HYOU1: variants seen among roughly 807,000 people sequenced by gnomAD.
HYOU1 encodes hypoxia up-regulated protein 1.
Under a neutral mutation model 120.5 loss-of-function variants are expected in HYOU1, and 40 were observed. The observed-to-expected ratio is 0.33, with a 90% CI of 0.26 to 0.43. The LOEUF is 0.43. HYOU1 is among the 20% of genes least tolerant of loss of function. The pLI is 1.00. For missense variants in HYOU1, 1,085 were observed against 1,278.3 expected (o/e 0.85, Z 2.31); for synonymous variants, 501 against 479.4 (o/e 1.05, Z -0.59).
chr11:119,054,834 G>T, intron 6 of HYOU1, 150 bp downstream of exon 6: 1 of 1,012,300 alleles, frequency 9.9e-7, no homozygotes, highest in Non-Finnish European at 1.4e-6. Flanking sequence ...CTACCCACTA[G>T]ATAGCAGGTG....
At chr11:119,053,821 G>T in intron 8 of HYOU1, 1 of 265,056 alleles carries the variant, frequency 3.8e-6, no homozygotes, top group Non-Finnish European at 7.1e-6. Flanking sequence ...TTATTTAACT[G>T]GAAATGACAA....
chr11:119,056,080 C>T lies in HYOU1; in HGVS notation c.81G>A (p.Leu27=). 6.2e-7 allele frequency: 1 copy of T among 1,613,996 alleles called. No individual in the cohort carries two copies. The highest frequency in any genetic ancestry group is 2.2e-5 in the East Asian group (1 of 44,888). Residue 27 remains leucine (L), a synonymous_variant, in exon 2 of 26, where the codon TTG becomes TTA. Coordinates refer to ENST00000617285, the MANE Select transcript of HYOU1 (RefSeq NM_006389.5). ...TACTGGGGTACATACCACTCAGTGC[C>T]AACAGGTCTGCCAAGAGCACAGCCA... ...ALVAVLLADL[L]ALSDTLAVMS...
At position 119,049,765 on chromosome 11, in the gene HYOU1, T is replaced by C. The variant is rs2133575487; in HGVS notation, c.1726+12A>G. On this transcript the variant is annotated intron_variant, in intron 15 of 25. Coordinates refer to ENST00000617285, the MANE Select transcript of HYOU1 (RefSeq NM_006389.5). Reference sequence around the variant, plus strand: ...ATATTCTCTCCCATACACACATGCATGCTCATCTTACTGGTGAGAGTAGAT... The same window carrying C: ...ATATTCTCTCCCATACACACATGCACGCTCATCTTACTGGTGAGAGTAGAT... 82 of 1,613,260 alleles carry C rather than the reference T, an allele frequency of 5.1e-5. No individual in the cohort carries two copies. The highest frequency in any genetic ancestry group is 6.6e-5 in the Non-Finnish European group (78 of 1,179,286).
At position 119,055,857 on chromosome 11, in the gene HYOU1, A is replaced by G; in HGVS notation, c.92-14T>C. The G allele has an allele frequency of 6.2e-7, 1 of 1,609,042 alleles. No individual in the cohort carries two copies. Among genetic ancestry groups the G allele is most frequent in the Non-Finnish European group, 8.5e-7 (1 of 1,175,336 alleles). On this transcript the variant is annotated splice_polypyrimidine_tract_variant and intron_variant, in intron 2 of 25. Coordinates refer to ENST00000617285, the MANE Select transcript of HYOU1 (RefSeq NM_006389.5). This position sits in a 1 kb window ranked among gnomAD's most constrained non-coding sequence, Gnocchi z 4.0. ...CTGCCAGTGTATCTGAAGGGAAAAG[A>G]GGTTTGTCAGTTAGCTCTCCCTTCG... is the stretch of plus-strand genomic sequence containing the variant.
rs2133582344 is a variant in HYOU1 at position 119,051,074 on chromosome 11, G to A, written c.1626C>T (p.His542=). ...PDYESKGIKA[H]FNLDESGVLS... ...GCACGCCACTCTCATCCAGGTTGAA[G>A]TGAGCCTTGATGCCCTTGGACTCGT... Residue 542 remains histidine (H), a synonymous_variant, in exon 14 of 26, where the codon CAC becomes CAT. Coordinates refer to ENST00000617285, the MANE Select transcript of HYOU1 (RefSeq NM_006389.5). This position sits in a 1 kb window ranked among gnomAD's most constrained non-coding sequence, Gnocchi z 4.2. 5 of 1,614,242 alleles carry A rather than the reference G, an allele frequency of 3.1e-6. No homozygotes were observed. The highest frequency in any genetic ancestry group is 4.2e-6 in the Non-Finnish European group (5 of 1,180,044).
In HYOU1 at chr11:119,055,943, G is replaced by A; in HGVS notation, c.92-100C>T. 2 of 1,383,532 alleles carry A rather than the reference G, an allele frequency of 1.4e-6. No homozygotes were observed. The highest frequency in any genetic ancestry group is 2.3e-5 in the East Asian group (1 of 43,668). The allele number at this position is 1,383,532 out of a possible 1,614,324, so 85.7% of individuals were successfully genotyped here. On this transcript the variant is annotated intron_variant, in intron 2 of 25. Transcript: ENST00000617285. The surrounding 1 kb of genome is among the most constrained non-coding windows in gnomAD (Gnocchi z 4.0). ...CCACTTTCCATGGGTAAACGAAGAT[G>A]GCAAAAGACAAAAAGGCCTGGACCT... is the stretch of plus-strand genomic sequence containing the variant.
rs931916208 is a variant in HYOU1, at chr11:119,045,119, A to C, written c.*474T>G. On this transcript the variant is annotated 3_prime_UTR_variant, in exon 26 of 26. Transcript: ENST00000617285. ...GAAAGAGCACAGATAGGCACTCAGA[A>C]ACCAAACCTGGTAACTGAGGCTCTG... 4.4e-6 allele frequency: 2 copies of C among 455,830 alleles called. No individual in the cohort carries two copies. The highest frequency in any genetic ancestry group is 2.0e-5 in the African/African-American group (1 of 50,078). The allele number at this position is 455,830 out of a possible 1,614,324, so 28.2% of individuals were successfully genotyped here.
At chr11:119,054,046 G>A (rs2133602296) in intron 8 of HYOU1, 75 bp downstream of exon 8, 1 of 873,744 alleles carries the variant, frequency 1.1e-6, no homozygotes, top group South Asian at 1.5e-5. Context: ...AAGCAAAGCA[G>A]TGTGTCTCCT....
In HYOU1 at chr11:119,055,507, T is replaced by C. The variant is rs1460765219; in HGVS notation, c.250A>G (p.Ser84Gly). The C allele has an allele frequency of 6.2e-7, 1 of 1,613,988 alleles. No individual in the cohort carries two copies. Among genetic ancestry groups the C allele is most frequent in the Non-Finnish European group, 8.5e-7 (1 of 1,179,998 alleles). ...LKENERFFGDSAASMAIKNPK... is the reference protein window; with the variant it reads ...LKENERFFGDGAASMAIKNPK... The stretch of plus-strand genomic sequence containing the variant: ...TGCTAGCTCACCATGCTTGCTGCAC[T>C]GTCTCCAAAGAATCTTTCATTTTCT... The change falls in exon 4 of 26, where the codon AGT (serine) becomes GGT (glycine). Residue 84 changes from serine (S) to glycine (G), a missense_variant. Around this residue, in one of 4 missense-constraint regions of HYOU1, gnomAD observed 515 missense variants for 677.8 expected, o/e 0.76. Transcript: ENST00000617285. The surrounding 1 kb of genome is among the most constrained non-coding windows in gnomAD (Gnocchi z 4.0).
At chr11:119,050,416 T>C (rs1944354994) in intron 14 of HYOU1, among the ~76,000 whole-genome samples, 1 of 151,624 alleles carries the variant, frequency 6.6e-6, no homozygotes, top group Non-Finnish European at 1.5e-5. Flanking sequence ...AAAAAAGTAA[T>C]AATAATAATA....
At chr11:119,054,908 A>C (rs1378987934) in intron 6 of HYOU1, 76 bp downstream of exon 6, 37 of 1,470,574 alleles carry the variant, frequency 2.5e-5, no homozygotes, top group Non-Finnish European at 3.4e-5. Context: ...CTGGGAGGCA[A>C]ACTTGCCCCT....
At chr11:119,045,931 T>C (rs1346955845) in intron 24 of HYOU1, 100 bp from the exon 25 acceptor site, 1 of 1,148,038 alleles carries the variant, frequency 8.7e-7, no homozygotes, top group Non-Finnish European at 1.3e-6. Context: ...GTAAATATTT[T>C]AGGATGCATG....
chr11:119,057,204 T>C lies in HYOU1; in HGVS notation c.-192A>G, dbSNP rs1256136003. ...CGGCCCCGGACGCGGCGCGCGCTCA[T>C]TGGAGCCTCGGCCGCCCGGCCCTGC... On this transcript the variant is annotated 5_prime_UTR_variant, in exon 1 of 26. It removes an upstream start codon present in the reference 5' UTR. Transcript: ENST00000617285. The C allele has an allele frequency of 3.3e-5, 5 of 150,620 alleles. No homozygotes were observed. The highest frequency in any genetic ancestry group is 2.0e-4 in the South Asian group (1 of 4,928). The allele number at this position is 150,620 out of a possible 1,614,324, so 9.3% of individuals were successfully genotyped here.
rs2133609669 is a variant in HYOU1, at chr11:119,055,061, C to A, written c.420-1G>T. 6.2e-7 allele frequency: 1 copy of A among 1,614,124 alleles called. No homozygotes were observed. On this transcript the variant is annotated splice_acceptor_variant, in intron 5 of 25. Transcript: ENST00000617285. LOFTEE classifies it high-confidence loss of function. The surrounding 1 kb of genome is among the most constrained non-coding windows in gnomAD (Gnocchi z 4.0). The stretch of plus-strand genomic sequence containing the variant: ...TTCCTCAGGTGAGAACTGCAGCTGC[C>A]TGAGGGGAAGGAAGGTAGTTGGAGC...
chr11:119,048,952 A>C lies in HYOU1; in HGVS notation c.1992+66T>G. ...CCTCCTACATTCTCCACAAGGCCAG[A>C]AACAAGGCAGGCGCCTGCTCCCTTA... On this transcript the variant is annotated intron_variant, in intron 17 of 25. Coordinates refer to ENST00000617285, the MANE Select transcript of HYOU1 (RefSeq NM_006389.5). The surrounding 1 kb of genome is among the most constrained non-coding windows in gnomAD (Gnocchi z 4.7). 1 of 1,610,868 alleles carries C rather than the reference A, an allele frequency of 6.2e-7. No individual in the cohort carries two copies. The highest frequency in any genetic ancestry group is 8.5e-7 in the Non-Finnish European group (1 of 1,178,508).
intron 22 of HYOU1, chr11:119,047,087 G>A (rs2133555049): frequency 0.023 from 7,253 of 321,464 alleles, 469 homozygotes; most frequent in African/African-American, 0.14. Flanking sequence ...ACGGAGTCTC[G>A]CTCTGTTGCC....
Position 119,045,659 on chromosome 11 carries a change from T to C in HYOU1, c.2939-5A>G. 6.2e-7 allele frequency: 1 copy of C among 1,614,160 alleles called. No individual in the cohort carries two copies. Among genetic ancestry groups the C allele is most frequent in the South Asian group, 1.1e-5 (1 of 91,082 alleles). On this transcript the variant is annotated splice_polypyrimidine_tract_variant and splice_region_variant and intron_variant, in intron 25 of 25. Coordinates refer to ENST00000617285, the MANE Select transcript of HYOU1 (RefSeq NM_006389.5). Reference sequence around the variant, plus strand: ...ATTGTTCTTTCTGTTCAGGTTCTGTTGGGAGTTTGGGGGAGCAAAGGAATC... The same window carrying C: ...ATTGTTCTTTCTGTTCAGGTTCTGTCGGGAGTTTGGGGGAGCAAAGGAATC...
chr11:119,045,151 C>T lies in HYOU1; in HGVS notation c.*442G>A, dbSNP rs782507932. On this transcript the variant is annotated 3_prime_UTR_variant, in exon 26 of 26. Coordinates refer to ENST00000617285, the MANE Select transcript of HYOU1 (RefSeq NM_006389.5). ...CCTGGTAACTGAGGCTCTGCAGACACTGGCCTGAAAGGATGCTCATCGCAT... is the reference window on the plus strand; with the variant it reads ...CCTGGTAACTGAGGCTCTGCAGACATTGGCCTGAAAGGATGCTCATCGCAT... The T allele has an allele frequency of 2.2e-6, 1 of 457,836 alleles. No individual in the cohort carries two copies. The highest frequency in any genetic ancestry group is 1.5e-5 in the South Asian group (1 of 64,552). 28.4% of individuals were successfully genotyped at this position (457,836 alleles called of 1,614,324 possible).
chr11:119,049,289 G>A lies in HYOU1; in HGVS notation c.1807-86C>T, dbSNP rs2133571747. The A allele has an allele frequency of 3.2e-6, 5 of 1,582,038 alleles. 1 individual carries two copies. In the South Asian group the frequency reaches 4.5e-5, roughly 14 times the overall value. ...GCTCGGCACCGCCGACCCCATGGGGGTTCCATACAGGTGACTGCTGTATGG... is the reference window on the plus strand; with the variant it reads ...GCTCGGCACCGCCGACCCCATGGGGATTCCATACAGGTGACTGCTGTATGG... On this transcript the variant is annotated intron_variant, in intron 16 of 25. Coordinates refer to ENST00000617285, the MANE Select transcript of HYOU1 (RefSeq NM_006389.5).
Sources: gnomAD v4.1 joint callset for allele counts (sites outside exome capture counted in the v4.1 genomes callset) on GRCh38, gnomAD v4.1.1 for gene constraint, gnomAD v4.1.1 regional missense constraint, Gnocchi (gnomAD v3.1) non-coding constraint, MANE v1.5 for transcripts, NCBI Gene and HGNC (gene_info 2026-07-23, HGNC 2026-07-21) for gene names.